SULT1B1: variants seen among roughly 807,000 people sequenced by gnomAD.
SULT1B1 encodes the protein sulfotransferase 1B1.
In SULT1B1, 28 loss-of-function variants were observed where a neutral mutation model predicts 34.6. The observed-to-expected ratio is 0.81, with a 90% CI of 0.60 to 1.11. SULT1B1 has a LOEUF of 1.11. SULT1B1 is among the 50% of genes least tolerant of loss of function. The probability of loss-of-function intolerance (pLI) is 0.00; values close to 1 mark genes in which losing one functional copy is unlikely to be tolerated. For missense variants in SULT1B1, 374 were observed against 352.2 expected (o/e 1.06, Z -0.50); for synonymous variants, 147 against 110.2 (o/e 1.33, Z -2.09).
intron 6 of SULT1B1, among the ~76,000 whole-genome samples, chr4:69,732,848 T>C (rs1578048490): frequency 6.6e-6 from 1 of 151,810 alleles, no homozygotes; most frequent in South Asian, 2.1e-4. Flanking sequence ...GTGCAAAATA[T>C]AGGAAACAAA....
chr4:69,732,863 G>A (rs143066668), intron 6 of SULT1B1, among the ~76,000 whole-genome samples: 1 of 152,062 alleles, frequency 6.6e-6, no homozygotes, highest in Non-Finnish European at 1.5e-5. Flanking sequence ...AACAAAGACA[G>A]TAAGAATAAC....
chr4:69,747,468 G>C (rs1008435108), intron 4 of SULT1B1, among the ~76,000 whole-genome samples: 36 of 152,338 alleles, frequency 2.4e-4, no homozygotes, highest in African/African-American at 8.4e-4. Context: ...GGCCCTAGTA[G>C]AAGCCAGCAC....
At chr4:69,751,492 C>T (rs528519326) in intron 3 of SULT1B1, among the ~76,000 whole-genome samples, 2 of 152,320 alleles carry the variant, frequency 1.3e-5, no homozygotes, top group South Asian at 4.1e-4. Context: ...CACTCTGTCG[C>T]CCAGGCTGGA....
intron 4 of SULT1B1, among the ~76,000 whole-genome samples, chr4:69,737,485 T>A (rs1718363373): frequency 6.6e-6 from 1 of 152,196 alleles, no homozygotes; most frequent in Non-Finnish European, 1.5e-5. Context: ...AGTCATATTT[T>A]ACAATTGAGG....
chr4:69,753,165 A>G (rs560291274), intron 3 of SULT1B1, among the ~76,000 whole-genome samples: 5 of 152,314 alleles, frequency 3.3e-5, no homozygotes, highest in Non-Finnish European at 7.3e-5. Flanking sequence ...CTAACATTTC[A>G]CAATTGAATT....
intron 7 of SULT1B1, among the ~76,000 whole-genome samples, chr4:69,729,756 C>T (rs953451144): frequency 2.6e-5 from 4 of 152,034 alleles, no homozygotes; most frequent in African/African-American, 9.7e-5. Flanking sequence ...TGAAATTCTA[C>T]CCATCTCCCT....
chr4:69,758,258 A>T (rs1719264646), intron 1 of SULT1B1: 1 of 972,174 alleles, frequency 1.0e-6, no homozygotes, highest in Non-Finnish European at 1.2e-6. Flanking sequence ...GGTATTGAAT[A>T]AATTGAATGA....
chr4:69,754,824 A>T (rs1349700856), intron 2 of SULT1B1, 26 bp from the exon 3 acceptor site: 2 of 1,606,484 alleles, frequency 1.2e-6, no homozygotes, highest in Admixed American at 1.7e-5. Context: ...ACATTTTCAA[A>T]ATAATTACCC....
Position 69,722,123 on chromosome 4 carries a change from C to T in SULT1B1, c.*4965G>A, listed in dbSNP as rs1013152468. 1 of 152,002 alleles carries T rather than the reference C, an allele frequency of 6.6e-6. No individual in the cohort carries two copies. The highest frequency in any genetic ancestry group is 1.9e-4 in the East Asian group (1 of 5,182). 9.4% of individuals were successfully genotyped at this position (152,002 alleles called of 1,614,324 possible). A position where few individuals can be genotyped will look rare whatever the true frequency, so the allele number is the denominator to read the frequency against. On this transcript the variant is annotated 3_prime_UTR_variant, in exon 8 of 8. Coordinates refer to ENST00000310613, the MANE Select transcript of SULT1B1 (RefSeq NM_014465.4). ...AGAATAAATATATAAGAGGCAACAA[C>T]CTATTTAAAAAGTAAAGGAAAATCT...
Position 69,755,242 on chromosome 4 carries a change from A to G in SULT1B1, c.-25T>C. 6.2e-7 allele frequency: 1 copy of G among 1,603,704 alleles called. No homozygotes were observed. Among genetic ancestry groups the G allele is most frequent in the South Asian group, 1.1e-5 (1 of 90,772 alleles). ...TTTTAATACCAGATTGTACAAATAT[A>G]TAATAGATTGACAGTTGTTCTGGAG... On this transcript the variant is annotated 5_prime_UTR_variant, in exon 2 of 8. Transcript: ENST00000310613.
chr4:69,736,608 AT>A (rs1157532719), intron 4 of SULT1B1, among the ~76,000 whole-genome samples: 3 of 152,228 alleles, frequency 2.0e-5, no homozygotes, highest in East Asian at 1.9e-4. Context: ...TTGAAAAAAA[AT>A]TTAAAATAAA....
intron 4 of SULT1B1, among the ~76,000 whole-genome samples, chr4:69,742,380 C>T (rs1403042437): frequency 4.6e-5 from 7 of 152,182 alleles, no homozygotes; most frequent in African/African-American, 1.7e-4. Flanking sequence ...ATGATGTCCT[C>T]ATAGAATGAG....
At chr4:69,760,336 G>A (rs1719343332) in intron 1 of SULT1B1, 123 bp downstream of exon 1, 1 of 384,158 alleles carries the variant, frequency 2.6e-6, no homozygotes, top group Non-Finnish European at 3.6e-6. Flanking sequence ...TAAGAAAATT[G>A]GAATTATGCA....
intron 7 of SULT1B1, among the ~76,000 whole-genome samples, chr4:69,729,579 AAAAG>A (rs1390656141): frequency 6.6e-6 from 1 of 152,148 alleles, no homozygotes; most frequent in Non-Finnish European, 1.5e-5. Context: ...TTGTTTTTAG[AAAAG>A]AAAGAGCACA....
At chr4:69,748,903 A>T (rs377427425) in intron 4 of SULT1B1, among the ~76,000 whole-genome samples, 4 of 152,142 alleles carry the variant, frequency 2.6e-5, no homozygotes, top group Non-Finnish European at 5.9e-5. Flanking sequence ...TATTTTAGAA[A>T]ATAGGAAAGA....
At chr4:69,739,516 A>C (rs1718454942) in intron 4 of SULT1B1, among the ~76,000 whole-genome samples, 1 of 152,188 alleles carries the variant, frequency 6.6e-6, no homozygotes, top group Admixed American at 6.5e-5. Flanking sequence ...ACAGGTCACC[A>C]AGTCCCTAGA....
intron 1 of SULT1B1, among the ~76,000 whole-genome samples, chr4:69,758,961 G>C (rs908617970): frequency 6.6e-6 from 1 of 152,172 alleles, no homozygotes; most frequent in Non-Finnish European, 1.5e-5. Flanking sequence ...TTTCAACCCA[G>C]AATCAGAATC....
Position 69,724,263 on chromosome 4 carries a change from C to T in SULT1B1, c.*2825G>A, listed in dbSNP as rs907143317. ...GAGAGCCAAATCAGGAGTGAACTCCCATTCACAATTGCTTCAAAGAGAATA... is the reference window on the plus strand; with the variant it reads ...GAGAGCCAAATCAGGAGTGAACTCCTATTCACAATTGCTTCAAAGAGAATA... On this transcript the variant is annotated 3_prime_UTR_variant, in exon 8 of 8. Transcript: ENST00000310613. 30 of 152,294 alleles carry T rather than the reference C, an allele frequency of 2.0e-4. No homozygotes were observed. Among genetic ancestry groups the T allele is most frequent in the African/African-American group, 7.2e-4 (30 of 41,568 alleles). 9.4% of individuals were successfully genotyped at this position (152,294 alleles called of 1,614,324 possible).
intron 4 of SULT1B1, among the ~76,000 whole-genome samples, chr4:69,735,054 A>G (rs190947559): frequency 4.1e-3 from 626 of 152,096 alleles, no homozygotes; most frequent in Non-Finnish European, 6.8e-3. Flanking sequence ...TCCTGAGCTC[A>G]TGATCCGCCC....
Sources: gnomAD v4.1 joint callset for allele counts (sites outside exome capture counted in the v4.1 genomes callset) on GRCh38, gnomAD v4.1.1 for gene constraint, MANE v1.5 for transcripts, NCBI Gene and HGNC (gene_info 2026-07-23, HGNC 2026-07-21) for gene names.